Variants in CHST8 observed in about 807,000 individuals in gnomAD.
CHST8 encodes the protein carbohydrate sulfotransferase 8.
CHST8 carries 10 observed loss-of-function variants against 15.0 expected under a neutral mutation model. That is an observed-to-expected ratio of 0.67 (90% CI 0.41 to 1.13). The LOEUF (loss-of-function observed/expected upper bound fraction) is 1.13. CHST8 is among the 50% of genes most tolerant of loss of function. The probability of loss-of-function intolerance (pLI) is 0.00; values close to 1 mark genes in which losing one functional copy is unlikely to be tolerated. For synonymous variants in CHST8, 259 were observed against 256.6 expected, an observed-to-expected ratio of 1.01 and a Z score of -0.09; for missense variants, 634 against 608.2, an observed-to-expected ratio of 1.04 and a Z score of -0.45.
At chr19:33,716,615 G>T (rs116476277) in intron 3 of CHST8, among the ~76,000 whole-genome samples, 1 of 152,066 alleles carries the variant, frequency 6.6e-6, no homozygotes, top group Non-Finnish European at 1.5e-5. Flanking sequence ...CGATCCTCCC[G>T]CACTGGCCTC....
At chr19:33,627,981 G>A (rs186448398) in intron 1 of CHST8, among the ~76,000 whole-genome samples, 101 of 152,158 alleles carry the variant, frequency 6.6e-4, no homozygotes, top group African/African-American at 2.4e-3. Context: ...GCTGTGATAA[G>A]GATATAAAGA....
intron 2 of CHST8, among the ~76,000 whole-genome samples, chr19:33,671,092 T>C (rs9304851): frequency 0.17 from 25,445 of 152,034 alleles, 2,363 homozygotes; most frequent in Admixed American, 0.26. Flanking sequence ...CTAAGTTTCC[T>C]GAGTTTTTGG....
chr19:33,660,670 G>A (rs894438243), intron 1 of CHST8, among the ~76,000 whole-genome samples: 2 of 152,160 alleles, frequency 1.3e-5, no homozygotes. Context: ...GGAGTTTACT[G>A]CCCCTTTCCT....
chr19:33,713,189 A>G (rs8109215), intron 3 of CHST8, among the ~76,000 whole-genome samples: 22,070 of 152,140 alleles, frequency 0.15, 1,701 homozygotes, highest in African/African-American at 0.19. Context: ...CCAAGACCTA[A>G]TGTGATTCTG....
chr19:33,718,013 A>G (rs1368571159), intron 3 of CHST8, among the ~76,000 whole-genome samples: 3 of 152,128 alleles, frequency 2.0e-5, no homozygotes, highest in Non-Finnish European at 4.4e-5. Flanking sequence ...GAAGACCCCC[A>G]GTGTGTACAG....
chr19:33,690,631 G>A (rs752969723), intron 3 of CHST8, among the ~76,000 whole-genome samples: 23 of 152,342 alleles, frequency 1.5e-4, no homozygotes, highest in East Asian at 3.9e-4. Flanking sequence ...GCGAGTCATC[G>A]GTGCTGACTC....
rs1177609683 is a variant in CHST8, at chr19:33,651,724, C to A, written c.-163-16043C>A. 3.9e-5 allele frequency among the ~76,000 whole-genome samples: 6 copies of A among 152,162 alleles called. No homozygotes were observed. In the East Asian group the frequency reaches 1.2e-3, roughly 29 times the overall value. On this transcript the variant is annotated intron_variant, in intron 1 of 4. Transcript: ENST00000650847. Reference sequence around the variant, plus strand: ...AAAAAACAAGTTTCTAATTTTATTGCATTGTGGTGCAATGTGATAAAATTG... The same window carrying A: ...AAAAAACAAGTTTCTAATTTTATTGAATTGTGGTGCAATGTGATAAAATTG...
chr19:33,664,033 T>C (rs1271732545), intron 1 of CHST8, among the ~76,000 whole-genome samples: 2 of 152,196 alleles, frequency 1.3e-5, no homozygotes, highest in Non-Finnish European at 2.9e-5. Context: ...CCACACTGTA[T>C]GTCCTCTATT....
chr19:33,725,042 G>C (rs1320760125), intron 3 of CHST8, among the ~76,000 whole-genome samples: 3 of 152,160 alleles, frequency 2.0e-5, no homozygotes, highest in African/African-American at 4.8e-5. Context: ...GACCAGCACT[G>C]CTGTGTGTGC....
chr19:33,707,929 G>A (rs4805927), intron 3 of CHST8, among the ~76,000 whole-genome samples: 37,310 of 152,020 alleles, frequency 0.25, 5,525 homozygotes, highest in African/African-American at 0.42. Flanking sequence ...GTTATTATCT[G>A]TCTTTTTAAT....
intron 3 of CHST8, among the ~76,000 whole-genome samples, chr19:33,768,621 T>C (rs1974902569): frequency 6.6e-6 from 1 of 151,948 alleles, no homozygotes; most frequent in African/African-American, 2.4e-5. Flanking sequence ...CCAGCTAATT[T>C]TTTTGTATTT....
At chr19:33,740,187 G>A (rs1321541499) in intron 3 of CHST8, among the ~76,000 whole-genome samples, 1 of 151,850 alleles carries the variant, frequency 6.6e-6, no homozygotes, top group Non-Finnish European at 1.5e-5. Flanking sequence ...GTTCACAGGA[G>A]CAAACATCAT....
At chr19:33,651,227 T>C (rs1972444510) in intron 1 of CHST8, among the ~76,000 whole-genome samples, 7 of 152,204 alleles carry the variant, frequency 4.6e-5, no homozygotes, top group Admixed American at 4.6e-4. Flanking sequence ...TGATTTATGC[T>C]TTCTATTTAA....
intron 1 of CHST8, among the ~76,000 whole-genome samples, chr19:33,634,394 C>T (rs1972163598): frequency 6.6e-6 from 1 of 152,136 alleles, no homozygotes; most frequent in Admixed American, 6.5e-5. Flanking sequence ...TTCCTTTCGT[C>T]CCCAAATTGT....
intron 3 of CHST8, among the ~76,000 whole-genome samples, chr19:33,762,705 T>G (rs889663201): frequency 1.3e-5 from 2 of 152,232 alleles, no homozygotes. Flanking sequence ...CCGCTTTGTG[T>G]CCCATTTGGT....
chr19:33,713,397 T>C (rs1213599189), intron 3 of CHST8, among the ~76,000 whole-genome samples: 1 of 151,816 alleles, frequency 6.6e-6, no homozygotes, highest in East Asian at 2.0e-4. Flanking sequence ...GCTTGGTGAG[T>C]GACATTCTCA....
intron 2 of CHST8, among the ~76,000 whole-genome samples, chr19:33,686,624 G>C (rs1190455900): frequency 6.6e-6 from 1 of 152,186 alleles, no homozygotes; most frequent in Non-Finnish European, 1.5e-5. Context: ...CTGGGCGCTA[G>C]CCATGAAGCT....
intron 1 of CHST8, among the ~76,000 whole-genome samples, chr19:33,660,399 G>GT (rs1299928898): frequency 6.6e-6 from 1 of 152,162 alleles, no homozygotes; most frequent in East Asian, 1.9e-4. Context: ...GCCGTTCGTG[G>GT]TGGGGGCAGA....
intron 3 of CHST8, among the ~76,000 whole-genome samples, chr19:33,747,476 A>G (rs1974335200): frequency 6.6e-6 from 1 of 152,094 alleles, no homozygotes; most frequent in Admixed American, 6.5e-5. Flanking sequence ...TGGTGTAAAT[A>G]CTCCCACTGC....
Sources: gnomAD v4.1 joint callset for allele counts (sites outside exome capture counted in the v4.1 genomes callset) on GRCh38, gnomAD v4.1.1 for gene constraint, MANE v1.5 for transcripts, NCBI Gene and HGNC (gene_info 2026-07-23, HGNC 2026-07-21) for gene names.